Variants in SLC35B1 observed in about 807,000 individuals in gnomAD.
SLC35B1 encodes the protein solute carrier family 35 member B1.
Under a neutral mutation model 36.6 loss-of-function variants are expected in SLC35B1, and 27 were observed. The ratio of observed to expected loss-of-function variants is 0.74; its 90% CI spans 0.54 to 1.02. The LOEUF (loss-of-function observed/expected upper bound fraction) is 1.02. Ranked by LOEUF, SLC35B1 falls within the 50% of genes least tolerant of loss-of-function variation. SLC35B1 has a pLI of 0.00. For missense variants in SLC35B1, 321 were observed against 383.2 expected (o/e 0.84, Z 1.35); for synonymous variants, 162 against 152.5 (o/e 1.06, Z -0.46).
intron 8 of SLC35B1, 35 bp from the exon 9 acceptor site, chr17:49,701,545 G>A: frequency 1.9e-6 from 3 of 1,596,442 alleles, no homozygotes; most frequent in South Asian, 1.1e-5. Flanking sequence ...TAGCCTTATG[G>A]GGGGAAATGA....
chr17:49,703,361 CACA>C, intron 6 of SLC35B1, 67 bp from the exon 7 acceptor site: 1 of 882,926 alleles, frequency 1.1e-6, no homozygotes, highest in Non-Finnish European at 1.9e-6. Context: ...CACACACACA[CACA>C]CACACACACA....
In SLC35B1 at chr17:49,707,950, C is replaced by G. The variant is rs777479244; in HGVS notation, c.-117G>C. On this transcript the variant is annotated 5_prime_UTR_variant, in exon 1 of 9. Coordinates refer to ENST00000240333, the MANE Select transcript of SLC35B1 (RefSeq NM_005827.4). Reference sequence around the variant, plus strand: ...ACCGGCGGCAGGGGCCTCATAGGAGCTGCATGCGACCGCTGTCCAGCAGGG... The same window carrying G: ...ACCGGCGGCAGGGGCCTCATAGGAGGTGCATGCGACCGCTGTCCAGCAGGG... 6.4e-7 allele frequency: 1 copy of G among 1,551,218 alleles called. No homozygotes were observed.
chr17:49,703,348 GCACACACACA>G (rs10595474), intron 6 of SLC35B1, 54 bp from the exon 7 acceptor site: 23 of 704,432 alleles, frequency 3.3e-5, no homozygotes, highest in African/African-American at 7.1e-5. Context: ...CAAAATGTGC[GCACACACACA>G]CACACACACA....
Position 49,703,015 on chromosome 17 carries a change from G to C in SLC35B1, c.763-4C>G. 2 of 1,614,116 alleles carry C rather than the reference G, an allele frequency of 1.2e-6. No individual in the cohort carries two copies. Among genetic ancestry groups the C allele is most frequent in the Non-Finnish European group, 1.7e-6 (2 of 1,180,026 alleles). On this transcript the variant is annotated splice_polypyrimidine_tract_variant and splice_region_variant and intron_variant, in intron 7 of 8. Coordinates refer to ENST00000240333, the MANE Select transcript of SLC35B1 (RefSeq NM_005827.4). ...CAACCGTCATAAAGATGAAGCTCTA[G>C]AGAAAGATAAAGGTGAGGTCCGGTG...
rs61136804 is a variant in SLC35B1 at position 49,706,346 on chromosome 17, C to CAAAAAAAAAAAAAAAAAAAAAAAAAAAAA, written c.209-13_209-12insTTTTTTTTTTTTTTTTTTTTTTTTTTTTT. 36 of 733,596 alleles carry CAAAAAAAAAAAAAAAAAAAAAAAAAAAAA rather than the reference C, an allele frequency of 4.9e-5. No homozygotes were observed. Among genetic ancestry groups the CAAAAAAAAAAAAAAAAAAAAAAAAAAAAA allele is most frequent in the African/African-American group, 2.3e-4 (7 of 31,024 alleles). 45.4% of individuals were successfully genotyped at this position (733,596 alleles called of 1,614,324 possible). The stretch of plus-strand genomic sequence containing the variant: ...AAAAAACTGGATCACTGGGAGAAGA[C>CAAAAAAAAAAAAAAAAAAAAAAAAAAAAA]AAAAAAAAAAAAAAAAAAAGAAAAG... On this transcript the variant is annotated splice_polypyrimidine_tract_variant and intron_variant, in intron 2 of 8. Coordinates refer to ENST00000240333, the MANE Select transcript of SLC35B1 (RefSeq NM_005827.4).
chr17:49,706,103 T>C (rs12950831), intron 3 of SLC35B1, 101 bp downstream of exon 3: 13 of 100,544 alleles, frequency 1.3e-4, no homozygotes, highest in Middle Eastern at 2.6e-3. Flanking sequence ...GACCGTTATC[T>C]TTTTTTTTTT....
At chr17:49,707,658 C>T (rs2073436606) in intron 1 of SLC35B1, 72 bp downstream of exon 1, 1 of 1,539,470 alleles carries the variant, frequency 6.5e-7, no homozygotes, top group Admixed American at 1.9e-5. Flanking sequence ...AGCCCGGGTC[C>T]AGAGGCAGAA....
At position 49,705,872 on chromosome 17, in the gene SLC35B1, T is replaced by A; in HGVS notation, c.364A>T (p.Ile122Phe). 6.2e-7 allele frequency: 1 copy of A among 1,614,078 alleles called. No individual in the cohort carries two copies. Among genetic ancestry groups the A allele is most frequent in the East Asian group, 2.2e-5 (1 of 44,880 alleles). The change falls in exon 4 of 9, where the codon ATC (isoleucine) becomes TTC (phenylalanine). Residue 122 changes from isoleucine (I) to phenylalanine (F), a missense_variant. By Grantham distance (21) the Ile-to-Phe change is conservative. Coordinates refer to ENST00000240333, the MANE Select transcript of SLC35B1 (RefSeq NM_005827.4). Reference protein sequence around the residue: ...TQVLGKSCKPIPVMLLGVTLL... With the variant: ...TQVLGKSCKPFPVMLLGVTLL... ...GACCATCTTCTTTGCTTACCTGGGA[T>A]TGGCTTGCAGGATTTACCAAGGACC...
intron 6 of SLC35B1, chr17:49,703,685 AAT>A (rs2073380572): frequency 3.1e-6 from 1 of 323,386 alleles, no homozygotes; most frequent in Admixed American, 4.4e-5. Context: ...CTGTATAAAA[AAT>A]ACTTTCTACA....
chr17:49,705,337 C>G, intron 4 of SLC35B1, 56 bp from the exon 5 acceptor site: 1 of 1,519,312 alleles, frequency 6.6e-7, no homozygotes, highest in Non-Finnish European at 9.0e-7. Context: ...TTGATGACCC[C>G]AATGCCCTCC....
At chr17:49,706,100 AT>A in intron 3 of SLC35B1, 103 bp downstream of exon 3, 1 of 1,006,082 alleles carries the variant, frequency 9.9e-7, no homozygotes, top group African/African-American at 1.7e-5. Context: ...CAGGACCGTT[AT>A]CTTTTTTTTT....
rs780704576 is a variant in SLC35B1, at chr17:49,707,863, C to T, written c.-30G>A. 1 of 1,609,786 alleles carries T rather than the reference C, an allele frequency of 6.2e-7. No individual in the cohort carries two copies. Among genetic ancestry groups the T allele is most frequent in the African/African-American group, 1.3e-5 (1 of 74,856 alleles). On this transcript the variant is annotated 5_prime_UTR_variant, in exon 1 of 9. Transcript: ENST00000240333. ...CGCCCAGAGGAGCCGACTGGAGACC[C>T]GCTCACAACCGGCACCGGCAGCAGC... is the stretch of plus-strand genomic sequence containing the variant.
In SLC35B1 at chr17:49,705,202, T is replaced by G. The variant is rs199909408; in HGVS notation, c.450A>C (p.Gly150=). The change falls in exon 5 of 9, where the codon GGA becomes GGC. Residue 150 remains glycine, a synonymous_variant. Coordinates refer to ENST00000240333, the MANE Select transcript of SLC35B1 (RefSeq NM_005827.4). The part of the protein sequence containing the change: ...KYLCVLLIVA[G]VALFMYKPKK... ...TGGGTTTGTACATGAAAAGGGCCAC[T>G]CCAGCCACAATTAACAGCACACACA... 1 of 1,611,670 alleles carries G rather than the reference T, an allele frequency of 6.2e-7. No homozygotes were observed. Among genetic ancestry groups the G allele is most frequent in the African/African-American group, 1.3e-5 (1 of 74,876 alleles).
intron 7 of SLC35B1, 42 bp downstream of exon 7, chr17:49,703,146 G>T: frequency 6.3e-7 from 1 of 1,582,262 alleles, no homozygotes; most frequent in Non-Finnish European, 8.7e-7. Context: ...GGAACCAGCT[G>T]CCAGAGTAGG....
In SLC35B1 at chr17:49,703,304, C is replaced by T. The variant is rs2143649026; in HGVS notation, c.656-10G>A. On this transcript the variant is annotated splice_polypyrimidine_tract_variant and intron_variant, in intron 6 of 8. Coordinates refer to ENST00000240333, the MANE Select transcript of SLC35B1 (RefSeq NM_005827.4). Reference sequence around the variant, plus strand: ...CCAGTGAACAGGATTCCTGAGAAGACATGTCAACAAATGTACGGCGCATTT... The same window carrying T: ...CCAGTGAACAGGATTCCTGAGAAGATATGTCAACAAATGTACGGCGCATTT... 2 of 1,582,626 alleles carry T rather than the reference C, an allele frequency of 1.3e-6. No individual in the cohort carries two copies. The highest frequency in any genetic ancestry group is 1.1e-5 in the South Asian group (1 of 90,382).
At chr17:49,705,488 G>A (rs1383997799) in intron 4 of SLC35B1, 2 of 599,540 alleles carry the variant, frequency 3.3e-6, no homozygotes, top group Non-Finnish European at 5.8e-6. Flanking sequence ...AGGAGGTAGA[G>A]AACAAAGGTG....
At chr17:49,707,139 G>A (rs2073429327) in intron 1 of SLC35B1, 71 bp from the exon 2 acceptor site, 6 of 1,433,934 alleles carry the variant, frequency 4.2e-6, no homozygotes, top group Middle Eastern at 1.7e-4. Context: ...AATATATCCC[G>A]AGCCACTGAA....
Position 49,707,713 on chromosome 17 carries a change from C to T in SLC35B1, c.104+17G>A, listed in dbSNP as rs201529965. On this transcript the variant is annotated intron_variant, in intron 1 of 8. Transcript: ENST00000240333. The stretch of plus-strand genomic sequence containing the variant: ...AGGCTGGGGAGAGACTGTCGGCCCG[C>T]CCCCGGGGTCGCTCACATCTTTTCC... 2.5e-6 allele frequency: 4 copies of T among 1,607,888 alleles called. No homozygotes were observed. The highest frequency in any genetic ancestry group is 4.5e-5 in the East Asian group (2 of 44,734).
At chr17:49,705,400 G>A (rs541311715) in intron 4 of SLC35B1, 119 bp from the exon 5 acceptor site, 2 of 1,056,012 alleles carry the variant, frequency 1.9e-6, no homozygotes, top group East Asian at 2.6e-5. Flanking sequence ...GAGAAGGAAG[G>A]CTTAGAGAGG....
Sources: gnomAD v4.1 joint callset for allele counts on GRCh38, gnomAD v4.1.1 for gene constraint, MANE v1.5 for transcripts, NCBI Gene and HGNC (gene_info 2026-07-23, HGNC 2026-07-21) for gene names.